Variants in RGSL1 observed in about 807,000 individuals in gnomAD.
RGSL1 encodes the protein regulator of G protein signaling like 1.
RGSL1 carries 97 observed loss-of-function variants against 124.7 expected under a neutral mutation model. That is an observed-to-expected ratio of 0.78 (90% CI 0.66 to 0.92). RGSL1 has a LOEUF of 0.92. RGSL1 is among the 40% of genes least tolerant of loss of function. The probability of loss-of-function intolerance (pLI) is 0.00; values close to 1 mark genes in which losing one functional copy is unlikely to be tolerated. For missense variants in RGSL1, 1,233 were observed against 1,288.4 expected, an observed-to-expected ratio of 0.96 and a Z score of 0.66; for synonymous variants, 424 against 438.1, an observed-to-expected ratio of 0.97 and a Z score of 0.40.
chr1:182,470,112 A>G (rs1191826143), intron 4 of RGSL1, among the ~76,000 whole-genome samples: 1 of 152,194 alleles, frequency 6.6e-6, no homozygotes, highest in Non-Finnish European at 1.5e-5. Flanking sequence ...AATTATTAAT[A>G]CATTTAACAC....
chr1:182,548,587 G>A (rs1660366968), intron 16 of RGSL1, 113 bp from the exon 17 acceptor site: 8 of 1,510,756 alleles, frequency 5.3e-6, no homozygotes, highest in Non-Finnish European at 7.1e-6. Flanking sequence ...GCAACTCCAT[G>A]AAAACCGTAT....
At chr1:182,530,536 CAT>C (rs374291641) in intron 12 of RGSL1, among the ~76,000 whole-genome samples, 175 bp downstream of exon 12, 1 of 115,398 alleles carries the variant, frequency 8.7e-6, no homozygotes, top group African/African-American at 3.3e-5. Context: ...GACACACACA[CAT>C]ACACACACAC....
intron 13 of RGSL1, 106 bp downstream of exon 13, chr1:182,531,016 A>ATTC: frequency 7.8e-7 from 1 of 1,275,312 alleles, no homozygotes; most frequent in Non-Finnish European, 1.1e-6. Context: ...TGAGACTCAG[A>ATTC]TAAATTACTA....
intron 4 of RGSL1, chr1:182,471,237 G>A (rs1051727737): frequency 8.8e-6 from 4 of 457,058 alleles, no homozygotes. Context: ...AGGGGTCAGG[G>A]GAAGAGTTCA....
Position 182,493,005 on chromosome 1 carries a change from TTTTCC to T in RGSL1, c.1718-14_1718-10del. On this transcript the variant is annotated splice_polypyrimidine_tract_variant and intron_variant, in intron 8 of 21. Coordinates refer to ENST00000294854, the MANE Select transcript of RGSL1 (RefSeq NM_001137669.2). ...TTGGACAACTAAACTCTATCTCTGT[TTTTCC>T]TTACTTCACAGACATAACTAAAATG... The T allele has an allele frequency of 6.7e-7, 1 of 1,493,932 alleles. No homozygotes were observed. The highest frequency in any genetic ancestry group is 9.1e-7 in the Non-Finnish European group (1 of 1,094,374). The allele number at this position is 1,493,932 out of a possible 1,614,324, so 92.5% of individuals were successfully genotyped here.
chr1:182,539,914 T>A (rs1441857842), intron 14 of RGSL1, among the ~76,000 whole-genome samples: 1 of 152,238 alleles, frequency 6.6e-6, no homozygotes, highest in African/African-American at 2.4e-5. Flanking sequence ...TCATCAGTGT[T>A]ACACACTCCA....
intron 1 of RGSL1, among the ~76,000 whole-genome samples, chr1:182,450,918 A>C (rs1049551618): frequency 6.6e-6 from 1 of 152,194 alleles, no homozygotes; most frequent in African/African-American, 2.4e-5. Flanking sequence ...AGGCTGAGGC[A>C]GGTGGATTAC....
chr1:182,547,872 G>A (rs1347114586), intron 15 of RGSL1, among the ~76,000 whole-genome samples: 1 of 151,770 alleles, frequency 6.6e-6, no homozygotes, highest in African/African-American at 2.4e-5. Flanking sequence ...AAAAAAAAAT[G>A]TTCTACTGGC....
At chr1:182,463,291 C>G (rs1446214694) in intron 4 of RGSL1, among the ~76,000 whole-genome samples, 2 of 123,670 alleles carry the variant, frequency 1.6e-5, no homozygotes, top group East Asian at 4.8e-4. Flanking sequence ...AAGACTCCAT[C>G]TCAAAAAAAA....
chr1:182,509,775 C>A (rs1490900950), intron 9 of RGSL1, among the ~76,000 whole-genome samples: 1 of 134,542 alleles, frequency 7.4e-6, no homozygotes, highest in Non-Finnish European at 1.6e-5. Flanking sequence ...GGCTGACCCC[C>A]CACCTCCCTC....
At chr1:182,494,046 C>T (rs956867238) in intron 9 of RGSL1, among the ~76,000 whole-genome samples, 1 of 152,162 alleles carries the variant, frequency 6.6e-6, no homozygotes. Flanking sequence ...CTCTCATGCT[C>T]AGCTAGCACC....
At chr1:182,467,825 C>G (rs1653472530) in intron 4 of RGSL1, among the ~76,000 whole-genome samples, 1 of 152,170 alleles carries the variant, frequency 6.6e-6, no homozygotes, top group Non-Finnish European at 1.5e-5. Flanking sequence ...TCAGAGTGAA[C>G]AGGCAACCTA....
chr1:182,470,188 T>G (rs1231420373), intron 4 of RGSL1, among the ~76,000 whole-genome samples: 1 of 152,094 alleles, frequency 6.6e-6, no homozygotes, highest in African/African-American at 2.4e-5. Flanking sequence ...TCTCCCACAA[T>G]AAAAATATTG....
chr1:182,517,166 T>C lies in RGSL1; in HGVS notation c.1826-4838T>C, dbSNP rs1657958959. 4.6e-5 allele frequency among the ~76,000 whole-genome samples: 7 copies of C among 152,302 alleles called. 1 individual carries two copies. In the South Asian group the frequency reaches 1.4e-3, roughly 32 times the overall value. ...ATTCTTGCATGGCAGTGTTTTTCTT[T>C]CAGCACTTTGAAAATGTTGCTCAAC... On this transcript the variant is annotated intron_variant, in intron 9 of 21. Coordinates refer to ENST00000294854, the MANE Select transcript of RGSL1 (RefSeq NM_001137669.2).
rs1391815302 is a variant in RGSL1, at chr1:182,540,443, CT to C, written c.2669+24del. 7.1e-6 allele frequency: 11 copies of C among 1,543,266 alleles called. No homozygotes were observed. The African/African-American group carries it at 1.4e-4, about 19-fold the overall frequency. ...AGAAGTAAGTTTTCCACTTCTCCTT[CT>C]TCTGCCCTGAAAATGACTTTTCATC... On this transcript the variant is annotated intron_variant, in intron 15 of 21. Coordinates refer to ENST00000294854, the MANE Select transcript of RGSL1 (RefSeq NM_001137669.2).
chr1:182,505,413 C>A (rs1284530109), intron 9 of RGSL1, among the ~76,000 whole-genome samples: 1 of 152,118 alleles, frequency 6.6e-6, no homozygotes, highest in African/African-American at 2.4e-5. Context: ...AAATGCCACA[C>A]TTTCTTTACC....
intron 13 of RGSL1, among the ~76,000 whole-genome samples, chr1:182,531,456 C>A (rs530050463): frequency 2.6e-5 from 4 of 152,224 alleles, no homozygotes; most frequent in East Asian, 3.9e-4. Flanking sequence ...TTGAGAAAAA[C>A]AACAACAAAA....
chr1:182,513,331 G>A (rs1657607837), intron 9 of RGSL1, among the ~76,000 whole-genome samples: 1 of 152,200 alleles, frequency 6.6e-6, no homozygotes, highest in Non-Finnish European at 1.5e-5. Context: ...GGCTCTGGTT[G>A]CCTGACCATT....
intron 18 of RGSL1, among the ~76,000 whole-genome samples, chr1:182,551,539 C>A (rs564122684): frequency 6.6e-6 from 1 of 152,152 alleles, no homozygotes; most frequent in African/African-American, 2.4e-5. Flanking sequence ...CCATTAAACC[C>A]TCCCATTAAG....
Sources: gnomAD v4.1 joint callset for allele counts (sites outside exome capture counted in the v4.1 genomes callset) on GRCh38, gnomAD v4.1.1 for gene constraint, MANE v1.5 for transcripts, NCBI Gene and HGNC (gene_info 2026-07-23, HGNC 2026-07-21) for gene names.